The following LIPC variants were observed in gnomAD, a reference collection of about 807,000 sequenced individuals.
The protein encoded by LIPC is lipase C, hepatic type, also known as hepatic triacylglycerol lipase.
A neutral mutation model predicts 50.7 loss-of-function variants in LIPC; 44 were observed. That is an observed-to-expected ratio of 0.87 (90% CI 0.68 to 1.11). The LOEUF (loss-of-function observed/expected upper bound fraction) is 1.11, where lower values mean the gene tolerates loss of function less well. LIPC is among the 50% of genes most tolerant of loss of function. The pLI is 0.00. For missense variants in LIPC, 697 were observed against 648.2 expected (o/e 1.08, Z -0.82); for synonymous variants, 271 against 256.4 (o/e 1.06, Z -0.54).
chr15:58,506,056 C>T (rs1450651505), intron 1 of LIPC, among the ~76,000 whole-genome samples: 2 of 151,998 alleles, frequency 1.3e-5, no homozygotes, highest in African/African-American at 2.4e-5. Context: ...GGATGGCAGC[C>T]GCCCCTCCCC....
At chr15:58,500,089 A>T (rs867714480) in intron 1 of LIPC, among the ~76,000 whole-genome samples, 2 of 152,256 alleles carry the variant, frequency 1.3e-5, no homozygotes, top group South Asian at 2.1e-4. Context: ...ATTCCAACTG[A>T]AACGTAAGGA....
chr15:58,484,608 C>A (rs142158546), intron 1 of LIPC, among the ~76,000 whole-genome samples: 191 of 152,368 alleles, frequency 1.3e-3, no homozygotes, highest in Non-Finnish European at 2.3e-3. Context: ...AGGCACAGAG[C>A]AGGGAAATAA....
intron 1 of LIPC, chr15:58,436,474 A>C (rs1362145590): frequency 3.8e-6 from 1 of 261,442 alleles, no homozygotes; most frequent in African/African-American, 2.2e-5. Flanking sequence ...AATATCTTAA[A>C]GTTAAAATGT....
intron 2 of LIPC, among the ~76,000 whole-genome samples, chr15:58,540,012 G>C (rs1265319118): frequency 1.3e-5 from 2 of 152,148 alleles, no homozygotes; most frequent in African/African-American, 2.4e-5. Context: ...CTTTCTAATT[G>C]TCTGTGTTTC....
intron 1 of LIPC, among the ~76,000 whole-genome samples, chr15:58,493,839 C>A (rs922060296): frequency 2.0e-5 from 3 of 151,788 alleles, no homozygotes; most frequent in Admixed American, 6.6e-5. Context: ...TAAGCATGAA[C>A]AACTCCCACG....
rs376602263 is a variant in LIPC, at chr15:58,432,154, G to A, written c.88+34G>A. 14 of 1,465,712 alleles carry A rather than the reference G, an allele frequency of 9.6e-6. No homozygotes were observed. In the African/African-American group the frequency reaches 1.9e-4, roughly 20 times the overall value. The allele number at this position is 1,465,712 out of a possible 1,614,324, so 90.8% of individuals were successfully genotyped here. A position where few individuals can be genotyped will look rare whatever the true frequency, so the allele number is the denominator to read the frequency against. On this transcript the variant is annotated intron_variant, in intron 1 of 8. Transcript: ENST00000299022. ...CTGACTTTTCTCCAGAGATGGGCAT[G>A]AACTTTTCTTTTTAAAACGTGTGTC...
At chr15:58,547,365 G>A (rs1893569862) in intron 5 of LIPC, among the ~76,000 whole-genome samples, 1 of 152,194 alleles carries the variant, frequency 6.6e-6, no homozygotes, top group Non-Finnish European at 1.5e-5. Flanking sequence ...GCGGCCTCAA[G>A]GAGCTGCAGT....
chr15:58,488,206 G>A (rs1202831364), intron 1 of LIPC, among the ~76,000 whole-genome samples: 1 of 152,220 alleles, frequency 6.6e-6, no homozygotes, highest in Non-Finnish European at 1.5e-5. Flanking sequence ...AAGAGGCGGA[G>A]GTGGCATGAG....
chr15:58,537,200 G>T (rs147018931), intron 1 of LIPC, among the ~76,000 whole-genome samples: 2 of 152,152 alleles, frequency 1.3e-5, no homozygotes, highest in African/African-American at 2.4e-5. Context: ...ATGGAAACGC[G>T]CCACCTTGCC....
intron 6 of LIPC, among the ~76,000 whole-genome samples, chr15:58,551,794 G>C (rs1893770683): frequency 6.6e-6 from 1 of 152,194 alleles, no homozygotes; most frequent in Admixed American, 6.5e-5. Context: ...GCAGGGTCTG[G>C]TTGGGCAAGA....
chr15:58,519,400 G>A (rs1314605506), intron 1 of LIPC, among the ~76,000 whole-genome samples: 2 of 120,756 alleles, frequency 1.7e-5, no homozygotes, highest in Admixed American at 9.6e-5. Flanking sequence ...GACACAGAGA[G>A]ACTCTGTCTC....
chr15:58,562,811 C>CCA (rs879508987), intron 7 of LIPC, among the ~76,000 whole-genome samples: 2 of 151,614 alleles, frequency 1.3e-5, no homozygotes, highest in African/African-American at 2.4e-5. Context: ...AGGGACCCCC[C>CCA]CCCAACCCCA....
At chr15:58,455,555 T>C (rs1175487898) in intron 1 of LIPC, among the ~76,000 whole-genome samples, 2 of 152,250 alleles carry the variant, frequency 1.3e-5, no homozygotes, top group Non-Finnish European at 2.9e-5. Context: ...AGCAAAGAAT[T>C]CATGTCATTG....
chr15:58,476,721 C>A (rs1009372745), intron 1 of LIPC, among the ~76,000 whole-genome samples: 7 of 152,238 alleles, frequency 4.6e-5, no homozygotes, highest in Admixed American at 1.3e-4. Context: ...TCTGGGACAT[C>A]TTGGGCAAGC....
chr15:58,533,006 C>T (rs1017680254), intron 1 of LIPC: 1 of 195,288 alleles, frequency 5.1e-6, no homozygotes, highest in Non-Finnish European at 9.3e-6. Flanking sequence ...CAGAGGACAA[C>T]CCCAAGCCTC....
chr15:58,517,164 T>C (rs1314644754), intron 1 of LIPC, among the ~76,000 whole-genome samples: 1 of 152,228 alleles, frequency 6.6e-6, no homozygotes, highest in Non-Finnish European at 1.5e-5. Flanking sequence ...ACAATTGTGT[T>C]TGAGTAGAAC....
intron 1 of LIPC, among the ~76,000 whole-genome samples, chr15:58,502,953 G>GT (rs1401470921): frequency 1.6e-4 from 5 of 30,906 alleles, no homozygotes; most frequent in Admixed American, 5.5e-4. Flanking sequence ...CTGAAACATT[G>GT]TTTAAAAAAA....
At chr15:58,457,814 C>T (rs1300464497) in intron 1 of LIPC, among the ~76,000 whole-genome samples, 1 of 152,156 alleles carries the variant, frequency 6.6e-6, no homozygotes, top group African/African-American at 2.4e-5. Flanking sequence ...TACATAAACA[C>T]TTGTCCACCT....
chr15:58,434,475 A>G (rs1356567375), intron 1 of LIPC, among the ~76,000 whole-genome samples: 3 of 152,302 alleles, frequency 2.0e-5, no homozygotes, highest in Non-Finnish European at 1.5e-5. Flanking sequence ...CGGCGGTCGC[A>G]TAGCTGGTCA....
Sources: gnomAD v4.1 joint callset for allele counts (sites outside exome capture counted in the v4.1 genomes callset) on GRCh38, gnomAD v4.1.1 for gene constraint, MANE v1.5 for transcripts, NCBI Gene and HGNC (gene_info 2026-07-23, HGNC 2026-07-21) for gene names.